Variants in RAD54L2 observed in about 807,000 individuals in gnomAD.
RAD54L2 encodes the protein helicase ARIP4.
RAD54L2 carries 27 observed loss-of-function variants against 138.4 expected under a neutral mutation model. The ratio of observed to expected loss-of-function variants is 0.20; its 90% confidence interval spans 0.14 to 0.27. RAD54L2 has a LOEUF of 0.27. Ranked by LOEUF, RAD54L2 falls within the 10% of genes least tolerant of loss-of-function variation. RAD54L2 has a pLI of 1.00. For synonymous variants in RAD54L2, 644 were observed against 723.2 expected (o/e 0.89, Z 1.76); for missense variants, 1,396 against 1,890.2 (o/e 0.74, Z 4.85).
chr3:51,635,146 C>G (rs985181722), intron 9 of RAD54L2, among the ~76,000 whole-genome samples: 1 of 152,174 alleles, frequency 6.6e-6, no homozygotes, highest in South Asian at 2.1e-4. Context: ...GTCTCTTCTC[C>G]TCTTTCCTCT....
At chr3:51,641,331 TC>T (rs1323532600) in intron 14 of RAD54L2, among the ~76,000 whole-genome samples, 29 of 146,824 alleles carry the variant, frequency 2.0e-4, no homozygotes, top group East Asian at 8.1e-4. Flanking sequence ...TTTTTTTTTT[TC>T]TCCTGAGACA....
rs188011594 is a variant in RAD54L2 at position 51,651,300 on chromosome 3, T to C, written c.3027-4671T>C. On this transcript the variant is annotated intron_variant, in intron 19 of 22. Transcript: ENST00000684192. The stretch of plus-strand genomic sequence containing the variant: ...GAAATTGAGGCAATAATTAATAGCC[T>C]GCCAACCAAAAAAAGTCCAGGACCA... 1.6e-3 allele frequency among the ~76,000 whole-genome samples: 244 copies of C among 152,254 alleles called. 1 individual carries two copies. Among genetic ancestry groups the C allele is most frequent in the South Asian group, 4.6e-3 (22 of 4,824 alleles).
At chr3:51,622,478 C>T (rs191930262) in intron 3 of RAD54L2, among the ~76,000 whole-genome samples, 2 of 152,102 alleles carry the variant, frequency 1.3e-5, no homozygotes, top group African/African-American at 4.8e-5. Context: ...TTGTCTGATG[C>T]CTTTCTTGAC....
intron 2 of RAD54L2, among the ~76,000 whole-genome samples, chr3:51,570,778 T>A (rs1222851010): frequency 6.6e-6 from 1 of 152,178 alleles, no homozygotes; most frequent in Non-Finnish European, 1.5e-5. Flanking sequence ...ATCAATGTTT[T>A]GTCATTGGCG....
intron 2 of RAD54L2, among the ~76,000 whole-genome samples, chr3:51,547,709 GTAGC>G (rs532076622): frequency 2.5e-4 from 38 of 151,592 alleles, no homozygotes; most frequent in African/African-American, 8.2e-4. Flanking sequence ...AGCCTCTTGA[GTAGC>G]TAGGACTAAT....
intron 7 of RAD54L2, 43 bp from the exon 8 acceptor site, chr3:51,633,534 A>T: frequency 1.3e-6 from 2 of 1,564,320 alleles, no homozygotes; most frequent in Non-Finnish European, 1.8e-6. Context: ...TGGAGCCCTC[A>T]TCTTTGTGAG....
chr3:51,652,660 C>T (rs773510698), intron 19 of RAD54L2, among the ~76,000 whole-genome samples: 2 of 152,088 alleles, frequency 1.3e-5, no homozygotes, highest in East Asian at 1.9e-4. Flanking sequence ...CAAACCTGAA[C>T]AGAAACAAGA....
intron 2 of RAD54L2, among the ~76,000 whole-genome samples, chr3:51,552,261 A>C (rs1313202815): frequency 5.3e-5 from 8 of 151,754 alleles, no homozygotes; most frequent in Non-Finnish European, 1.2e-4. Flanking sequence ...ACTTGCTAGA[A>C]TAGGAATCAA....
At chr3:51,609,698 TTGTG>T (rs5848928) in intron 3 of RAD54L2, among the ~76,000 whole-genome samples, 91,407 of 140,880 alleles carry the variant, frequency 0.65, 30,508 homozygotes, top group Middle Eastern at 0.75. Flanking sequence ...TTGTGGGCAT[TTGTG>T]TGTGTGTGTG....
chr3:51,634,175 C>T, intron 9 of RAD54L2, 140 bp downstream of exon 9: 1 of 1,153,296 alleles, frequency 8.7e-7, no homozygotes, highest in Non-Finnish European at 1.2e-6. Context: ...TTTCTCTGTT[C>T]TTGCTACTCA....
chr3:51,594,870 T>TC (rs1699926824), intron 3 of RAD54L2, among the ~76,000 whole-genome samples: 1 of 125,466 alleles, frequency 8.0e-6, no homozygotes, highest in African/African-American at 3.0e-5. Flanking sequence ...CTTTTTTTTT[T>TC]TTTTTTTTTT....
chr3:51,657,776 C>A, intron 21 of RAD54L2, 107 bp downstream of exon 21: 1 of 772,124 alleles, frequency 1.3e-6, no homozygotes, highest in Non-Finnish European at 2.2e-6. Flanking sequence ...AGGAATCATC[C>A]CATTAGGATG....
chr3:51,549,027 C>T lies in RAD54L2; in HGVS notation c.-55+7377C>T, dbSNP rs149245105. 4.3e-3 allele frequency among the ~76,000 whole-genome samples: 655 copies of T among 152,048 alleles called. 4 individuals carry two copies. The highest frequency in any genetic ancestry group is 0.015 in the African/African-American group (625 of 41,504). ...TTGTTTTTTGAGACACAGTCTTGCT[C>T]AGCTGCCCAGGCTGGAGTGCAATGG... On this transcript the variant is annotated intron_variant, in intron 2 of 22. Coordinates refer to ENST00000684192, the MANE Select transcript of RAD54L2 (RefSeq NM_015106.4).
At chr3:51,624,232 G>GTT (rs747895714) in intron 3 of RAD54L2, among the ~76,000 whole-genome samples, 14 of 130,442 alleles carry the variant, frequency 1.1e-4, no homozygotes, top group South Asian at 2.5e-4. Flanking sequence ...GGTGTGTGTG[G>GTT]TTTTTTTTTT....
chr3:51,599,720 C>G (rs1700039641), intron 3 of RAD54L2, among the ~76,000 whole-genome samples: 1 of 138,774 alleles, frequency 7.2e-6, no homozygotes, highest in South Asian at 2.4e-4. Flanking sequence ...CCCCACCACA[C>G]CCAGCTAATT....
rs565439381 is a variant in RAD54L2 at position 51,576,242 on chromosome 3, G to A, written c.-54-14125G>A. Among the ~76,000 whole-genome samples, 47 of 152,232 alleles carry A rather than the reference G, an allele frequency of 3.1e-4. No homozygotes were observed. The South Asian group carries it at 9.1e-3, about 30-fold the overall frequency. On this transcript the variant is annotated intron_variant, in intron 2 of 22. Transcript: ENST00000684192. ...AGCTTTTTGATGTGCTGCTGGATTC[G>A]GTTTGCCAGTATTTTATTGAGGATT...
At chr3:51,539,803 C>A in intron 1 of RAD54L2, among the ~76,000 whole-genome samples, 1 of 152,038 alleles carries the variant, frequency 6.6e-6, no homozygotes, top group South Asian at 2.1e-4. Flanking sequence ...ATTCCTGTTG[C>A]TTGCTAGGGA....
chr3:51,589,628 A>G (rs1018697401), intron 2 of RAD54L2, among the ~76,000 whole-genome samples: 1 of 151,424 alleles, frequency 6.6e-6, no homozygotes, highest in African/African-American at 2.4e-5. Context: ...TTTTCGCACA[A>G]TTGTAAGTTA....
rs1448153647 is a variant in RAD54L2, at chr3:51,645,552, T to C, written c.2657-39T>C. 3 of 1,548,002 alleles carry C rather than the reference T, an allele frequency of 1.9e-6. No homozygotes were observed. Among genetic ancestry groups the C allele is most frequent in the Middle Eastern group, 1.7e-4 (1 of 5,822 alleles). On this transcript the variant is annotated intron_variant, in intron 17 of 22. Transcript: ENST00000684192. The surrounding 1 kb of genome is among the most constrained non-coding windows in gnomAD (Gnocchi z 6.1). ...TATTAGTGACCTTTACAGTTTTTAA[T>C]GCCATGTGCTGACTTTCTTCATGTC...
Sources: allele counts gnomAD v4.1 joint callset (sites outside exome capture counted in the v4.1 genomes callset), GRCh38; gene constraint gnomAD v4.1.1; non-coding constraint Gnocchi (gnomAD v3.1); transcripts MANE v1.5; gene names NCBI Gene and HGNC (gene_info 2026-07-23, HGNC 2026-07-21).